COL27A1: variants seen among roughly 807,000 people sequenced by gnomAD.
COL27A1 encodes the protein collagen type XXVII alpha 1 chain.
COL27A1 carries 106 observed loss-of-function variants against 251.3 expected under a neutral mutation model. The ratio of observed to expected loss-of-function variants is 0.42; its 90% CI spans 0.36 to 0.50. The LOEUF (loss-of-function observed/expected upper bound fraction) is 0.50. COL27A1 is among the 20% of genes least tolerant of loss of function. The pLI is 0.00. For missense variants in COL27A1, 2,325 were observed against 2,522.8 expected (o/e 0.92, Z 1.68); for synonymous variants, 1,000 against 986.3 (o/e 1.01, Z -0.26).
chr9:114,285,039 G>A (rs943273104), intron 41 of COL27A1, among the ~76,000 whole-genome samples: 4 of 152,230 alleles, frequency 2.6e-5, no homozygotes, highest in African/African-American at 9.6e-5. Flanking sequence ...CCCTCACGGG[G>A]CTTATAGTCA....
chr9:114,205,236 T>TGAGCCAGCCCCA (rs1292673457), intron 8 of COL27A1, 90 bp downstream of exon 8: 1 of 1,242,694 alleles, frequency 8.0e-7, no homozygotes, highest in Non-Finnish European at 1.1e-6. Flanking sequence ...TCCTGCTCTG[T>TGAGCCAGCCCCA]GAGCCAGCCC....
chr9:114,259,952 C>T (rs1834197803), intron 28 of COL27A1, among the ~76,000 whole-genome samples: 1 of 151,266 alleles, frequency 6.6e-6, no homozygotes, highest in South Asian at 2.1e-4. Context: ...AAAAGGCATT[C>T]CTGTGGCCCA....
chr9:114,253,370 G>A (rs1440717322), intron 27 of COL27A1, among the ~76,000 whole-genome samples: 1 of 100,916 alleles, frequency 9.9e-6, no homozygotes, highest in African/African-American at 4.7e-5. Context: ...AAGAAAGAAA[G>A]ACGAAAGAAA....
chr9:114,256,297 C>A (rs557516624), intron 27 of COL27A1, among the ~76,000 whole-genome samples: 1 of 152,296 alleles, frequency 6.6e-6, no homozygotes, highest in African/African-American at 2.4e-5. Flanking sequence ...CAAGACCAGC[C>A]TGGCTAACAC....
chr9:114,305,389 T>C (rs1417990432), intron 57 of COL27A1, among the ~76,000 whole-genome samples: 1 of 152,106 alleles, frequency 6.6e-6, no homozygotes, highest in East Asian at 1.9e-4. Flanking sequence ...CAGGATCCAG[T>C]GCGGCTGGAG....
intron 18 of COL27A1, among the ~76,000 whole-genome samples, chr9:114,237,347 C>T (rs978397181): frequency 6.6e-6 from 1 of 152,218 alleles, no homozygotes; most frequent in Non-Finnish European, 1.5e-5. Context: ...TATTGAGTGT[C>T]ACTGTGCATC....
At chr9:114,210,533 A>G (rs555269062) in intron 11 of COL27A1, among the ~76,000 whole-genome samples, 1 of 152,230 alleles carries the variant, frequency 6.6e-6, no homozygotes, top group Non-Finnish European at 1.5e-5. Context: ...CTGTCCTTCC[A>G]GACCAAGTAT....
rs1228894684 is a variant in COL27A1 at position 114,311,034 on chromosome 9, A to G, written c.*339A>G. The G allele has an allele frequency of 4.0e-6, 1 of 248,176 alleles. No homozygotes were observed. The highest frequency in any genetic ancestry group is 2.2e-5 in the African/African-American group (1 of 45,592). The allele number at this position is 248,176 out of a possible 1,614,324, so 15.4% of individuals were successfully genotyped here. A position where few individuals can be genotyped will look rare whatever the true frequency, so the allele number is the denominator to read the frequency against. The stretch of plus-strand genomic sequence containing the variant: ...CCCAAAGAGCCCCACATTCAAGCCA[A>G]CTTGAGGGAAGGGGGCGTCTCGTCA... On this transcript the variant is annotated 3_prime_UTR_variant, in exon 61 of 61. Transcript: ENST00000356083.
chr9:114,298,979 A>AT (rs1828433507), intron 49 of COL27A1, among the ~76,000 whole-genome samples: 1 of 152,218 alleles, frequency 6.6e-6, no homozygotes, highest in Non-Finnish European at 1.5e-5. Context: ...TCAAGTAGAC[A>AT]TTTTTTCCAA....
Position 114,229,822 on chromosome 9 carries a change from G to A in COL27A1, c.2467-1257G>A, listed in dbSNP as rs182240770. On this transcript the variant is annotated intron_variant, in intron 14 of 60. Transcript: ENST00000356083. ...CGTAGGCTGGTTAAGAGAAAAGTCAGCCGCTTCTTCACTCTGTACCAGGGT... is the reference window on the plus strand; with the variant it reads ...CGTAGGCTGGTTAAGAGAAAAGTCAACCGCTTCTTCACTCTGTACCAGGGT... Among the ~76,000 whole-genome samples the A allele has an allele frequency of 2.3e-3, 347 of 152,310 alleles. 1 individual carries two copies. The highest frequency in any genetic ancestry group is 8.2e-3 in the African/African-American group (342 of 41,564).
chr9:114,160,671 C>CA (rs36110888), intron 1 of COL27A1, among the ~76,000 whole-genome samples: 41,751 of 111,052 alleles, frequency 0.38, 6,811 homozygotes, highest in Admixed American at 0.49. Flanking sequence ...GACTCTGTCT[C>CA]AAAAAAAAAA....
chr9:114,161,457 C>G (rs1276865773), intron 1 of COL27A1, among the ~76,000 whole-genome samples: 1 of 152,130 alleles, frequency 6.6e-6, no homozygotes, highest in South Asian at 2.1e-4. Flanking sequence ...CATGTAATCA[C>G]CAGTGTCTTC....
chr9:114,180,391 G>A (rs1010969554), intron 4 of COL27A1, among the ~76,000 whole-genome samples: 1 of 152,080 alleles, frequency 6.6e-6, no homozygotes, highest in African/African-American at 2.4e-5. Context: ...ATCTATAAAG[G>A]CTGGGGTCAT....
At chr9:114,201,683 C>A (rs1012941341) in intron 7 of COL27A1, among the ~76,000 whole-genome samples, 1 of 152,214 alleles carries the variant, frequency 6.6e-6, no homozygotes, top group African/African-American at 2.4e-5. Context: ...CTCAGTCCGT[C>A]CAGTGAGAAA....
In COL27A1 at chr9:114,290,502, T is replaced by C. The variant is rs943293855; in HGVS notation, c.4368+171T>C. 7.9e-5 allele frequency among the ~76,000 whole-genome samples: 12 copies of C among 151,988 alleles called. No individual in the cohort carries two copies. Among genetic ancestry groups the C allele is most frequent in the African/African-American group, 2.4e-4 (10 of 41,360 alleles). Reference sequence around the variant, plus strand: ...CATCTCCTCCCCTGGCACCTGGGAGTGTGGACCTTCTGACTGTCTCTCCTG... The same window carrying C: ...CATCTCCTCCCCTGGCACCTGGGAGCGTGGACCTTCTGACTGTCTCTCCTG... On this transcript the variant is annotated intron_variant, in intron 47 of 60. Coordinates refer to ENST00000356083, the MANE Select transcript of COL27A1 (RefSeq NM_032888.4). The surrounding 1 kb of genome is among the most constrained non-coding windows in gnomAD (Gnocchi z 4.6).
chr9:114,306,238 G>A lies in COL27A1; in HGVS notation c.4939-282G>A, dbSNP rs933512410. ...GCTGCCGAGTGTCCCACGCACCCTC[G>A]CCTACCTCATTCACGGGGCTCTGCC... is the stretch of plus-strand genomic sequence containing the variant. On this transcript the variant is annotated intron_variant, in intron 57 of 60. Coordinates refer to ENST00000356083, the MANE Select transcript of COL27A1 (RefSeq NM_032888.4). The A allele has an allele frequency of 3.2e-5, 10 of 316,896 alleles. 1 individual carries two copies. In the Middle Eastern group the frequency reaches 3.5e-3, roughly 112 times the overall value. 19.6% of individuals were successfully genotyped at this position (316,896 alleles called of 1,614,324 possible).
chr9:114,303,870 T>C, intron 56 of COL27A1, among the ~76,000 whole-genome samples: 1 of 152,208 alleles, frequency 6.6e-6, no homozygotes, highest in Admixed American at 6.5e-5. Context: ...ACTGGGGGCA[T>C]AGAGAAAGGG....
intron 36 of COL27A1, chr9:114,270,983 G>C (rs912802952): frequency 1.1e-5 from 6 of 558,936 alleles, no homozygotes; most frequent in Admixed American, 7.5e-5. Context: ...ACCTGCTCAG[G>C]TGGGACCAGG....
In COL27A1 at chr9:114,206,358, C is replaced by A. The variant is rs1399262343; in HGVS notation, c.2268+62C>A. ...TCTAGGTGAGCATCACCTGTCCCTC[C>A]AGTGGGCTTGATGGGAGGTCAGAGC... is the stretch of plus-strand genomic sequence containing the variant. On this transcript the variant is annotated intron_variant, in intron 10 of 60. Transcript: ENST00000356083. The A allele has an allele frequency of 5.8e-6, 9 of 1,552,992 alleles. No homozygotes were observed. In the East Asian group the frequency reaches 2.0e-4, roughly 35 times the overall value.
Sources: allele counts gnomAD v4.1 joint callset (sites outside exome capture counted in the v4.1 genomes callset), GRCh38; gene constraint gnomAD v4.1.1; non-coding constraint Gnocchi (gnomAD v3.1); transcripts MANE v1.5; gene names NCBI Gene and HGNC (gene_info 2026-07-23, HGNC 2026-07-21).